Variants in AGAP3 observed in about 807,000 individuals in gnomAD.
AGAP3 encodes ArfGAP with GTPase domain, ankyrin repeat and PH domain 3.
In AGAP3, 24 loss-of-function variants were observed where a neutral mutation model predicts 96.9. That is an observed-to-expected ratio of 0.25 (90% CI 0.18 to 0.35). The LOEUF (loss-of-function observed/expected upper bound fraction) is 0.35, where lower values mean the gene tolerates loss of function less well. AGAP3 is among the 10% of genes least tolerant of loss of function. The probability of loss-of-function intolerance (pLI) is 1.00; values close to 1 mark genes in which losing one functional copy is unlikely to be tolerated. For missense variants in AGAP3, 876 were observed against 1,254.2 expected, an observed-to-expected ratio of 0.70 and a Z score of 4.55; for synonymous variants, 563 against 536.1, an observed-to-expected ratio of 1.05 and a Z score of -0.69.
At position 151,143,143 on chromosome 7, in the gene AGAP3, C is replaced by G. The variant is rs1038871315; in HGVS notation, c.2274-198C>G. Among the ~76,000 whole-genome samples the G allele has an allele frequency of 2.0e-5, 3 of 152,260 alleles. No homozygotes were observed. Among genetic ancestry groups the G allele is most frequent in the Non-Finnish European group, 2.9e-5 (2 of 68,042 alleles). ...CTTCCTTTCAGCTTCTCCCACCCCC[C>G]TTTCCATTACCCACTGCCCCTCTGT... is the stretch of plus-strand genomic sequence containing the variant. On this transcript the variant is annotated intron_variant, in intron 16 of 17. Transcript: ENST00000397238. This position sits in a 1 kb window ranked among gnomAD's most constrained non-coding sequence, Gnocchi z 5.9.
In AGAP3 at chr7:151,139,677, C is replaced by G. The variant is rs939929266; in HGVS notation, c.1667-302C>G. ...CGGAGCTGCTGGGGCTTCAGCTCCC[C>G]GTGAGTTCCCTGGGCTGCCTTCCAC... On this transcript the variant is annotated intron_variant, in intron 12 of 17. Transcript: ENST00000397238. This position sits in a 1 kb window ranked among gnomAD's most constrained non-coding sequence, Gnocchi z 4.9. 3 of 261,874 alleles carry G rather than the reference C, an allele frequency of 1.1e-5. No homozygotes were observed. The highest frequency in any genetic ancestry group is 4.4e-5 in the African/African-American group (2 of 45,354). The allele number at this position is 261,874 out of a possible 1,614,324, so 16.2% of individuals were successfully genotyped here. A position where few individuals can be genotyped will look rare whatever the true frequency, so the allele number is the denominator to read the frequency against.
chr7:151,104,100 G>A (rs935853168), intron 1 of AGAP3, among the ~76,000 whole-genome samples: 3 of 152,128 alleles, frequency 2.0e-5, no homozygotes, highest in Admixed American at 6.6e-5. Context: ...CCACACGCTC[G>A]AAATAAACTG....
chr7:151,088,584 C>G (rs922315468), intron 1 of AGAP3, among the ~76,000 whole-genome samples: 1 of 152,206 alleles, frequency 6.6e-6, no homozygotes, highest in African/African-American at 2.4e-5. Flanking sequence ...TGATTTGCTC[C>G]AAGCTTACCT....
chr7:151,141,787 G>GCT lies in AGAP3; in HGVS notation c.1805-111_1805-110insCT. The GCT allele has an allele frequency of 7.0e-7, 1 of 1,424,644 alleles. No homozygotes were observed. Among genetic ancestry groups the GCT allele is most frequent in the Non-Finnish European group, 9.8e-7 (1 of 1,016,404 alleles). 88.3% of individuals were successfully genotyped at this position (1,424,644 alleles called of 1,614,324 possible). On this transcript the variant is annotated intron_variant, in intron 13 of 17. Transcript: ENST00000397238. The surrounding 1 kb of genome is among the most constrained non-coding windows in gnomAD (Gnocchi z 4.2). ...GGCCTTGCAGCTGGGGAAGGGTCTA[G>GCT]GGGAGGACACTTGCCAGTGGAGCAG...
At chr7:151,087,475 G>C (rs1585025611) in intron 1 of AGAP3, among the ~76,000 whole-genome samples, 1 of 152,150 alleles carries the variant, frequency 6.6e-6, no homozygotes. Context: ...GGAGCCTCGC[G>C]TTAGTGGATG....
intron 8 of AGAP3, chr7:151,120,737 C>T: frequency 8.3e-7 from 1 of 1,208,974 alleles, no homozygotes; most frequent in Non-Finnish European, 1.1e-6. Flanking sequence ...CCTCGTTCCT[C>T]CCTCTCAGGT....
chr7:151,128,213 C>T (rs975057365), intron 9 of AGAP3: 71 of 230,518 alleles, frequency 3.1e-4, no homozygotes, highest in Non-Finnish European at 5.6e-4. Context: ...CACCCCTGAG[C>T]GTCTACTCCT....
At chr7:151,115,333 A>G in intron 1 of AGAP3, 3 of 1,015,052 alleles carry the variant, frequency 3.0e-6, no homozygotes, top group Non-Finnish European at 3.5e-6. Context: ...GCGCTCAGGA[A>G]GAGCTTCAGC....
chr7:151,142,869 G>A lies in AGAP3; in HGVS notation c.2273+235G>A, dbSNP rs887229309. 6.6e-6 allele frequency among the ~76,000 whole-genome samples: 1 copy of A among 152,224 alleles called. No individual in the cohort carries two copies. Among genetic ancestry groups the A allele is most frequent in the South Asian group, 2.1e-4 (1 of 4,830 alleles). On this transcript the variant is annotated intron_variant, in intron 16 of 17. Transcript: ENST00000397238. This position sits in a 1 kb window ranked among gnomAD's most constrained non-coding sequence, Gnocchi z 7.5. ...AGCAGGTCAGGGGCCAGCAGGAGGCGCATGCGCAGGGCCCCTATCACGGTG... is the reference window on the plus strand; with the variant it reads ...AGCAGGTCAGGGGCCAGCAGGAGGCACATGCGCAGGGCCCCTATCACGGTG...
intron 9 of AGAP3, among the ~76,000 whole-genome samples, chr7:151,126,453 A>G (rs1800181505): frequency 8.8e-6 from 1 of 114,088 alleles, no homozygotes. Context: ...AGGCTGGGAG[A>G]GGCTGGGAGA....
chr7:151,102,016 A>G (rs1408121753), intron 1 of AGAP3, among the ~76,000 whole-genome samples: 1 of 152,164 alleles, frequency 6.6e-6, no homozygotes, highest in African/African-American at 2.4e-5. Context: ...GGTAAAATAA[A>G]GCAGAGGTGC....
intron 1 of AGAP3, among the ~76,000 whole-genome samples, chr7:151,089,088 C>T (rs1435974046): frequency 1.3e-5 from 2 of 152,102 alleles, no homozygotes; most frequent in African/African-American, 2.4e-5. Flanking sequence ...CCTGCCCAGC[C>T]TCTCCTGGCA....
intron 8 of AGAP3, among the ~76,000 whole-genome samples, chr7:151,121,348 G>T (rs930505955): frequency 2.6e-5 from 4 of 151,298 alleles, no homozygotes; most frequent in African/African-American, 9.8e-5. Flanking sequence ...GCGTGGGGGG[G>T]GCCGCCTGCT....
chr7:151,114,383 G>A lies in AGAP3; in HGVS notation c.332-2410G>A, dbSNP rs972329681. Among the ~76,000 whole-genome samples, 2 of 152,224 alleles carry A rather than the reference G, an allele frequency of 1.3e-5. No individual in the cohort carries two copies. The highest frequency in any genetic ancestry group is 2.9e-5 in the Non-Finnish European group (2 of 68,036). On this transcript the variant is annotated intron_variant, in intron 1 of 17. Transcript: ENST00000397238. This position sits in a 1 kb window ranked among gnomAD's most constrained non-coding sequence, Gnocchi z 4.4. ...GCTTTTCTCCAAAATGGGGCCCAGT[G>A]TGTGGTGGACTGAGGACTGTTATTT...
chr7:151,121,341 T>TGG (rs145627695), intron 8 of AGAP3, among the ~76,000 whole-genome samples: 9 of 151,534 alleles, frequency 5.9e-5, no homozygotes, highest in African/African-American at 2.2e-4. Context: ...CATTAGAGCG[T>TGG]GGGGGGGGCC....
Position 151,134,470 on chromosome 7 carries a change from G to A in AGAP3, c.1397G>A (p.Arg466His), listed in dbSNP as rs749882569. ...LRTTVKVPGK[R>H]LPRATPATAP... is the part of the protein sequence containing the mutation. ...ACAACGGTGAAAGTGCCAGGGAAGCGCCTGCCCCGAGCCACACCTGCCACA... is the reference window on the plus strand; with the variant it reads ...ACAACGGTGAAAGTGCCAGGGAAGCACCTGCCCCGAGCCACACCTGCCACA... The change falls in exon 11 of 18, where the codon CGC (arginine) becomes CAC (histidine). Residue 466 changes from arginine to histidine, a missense_variant. Physicochemically the swap from Arg to His is conservative, Grantham distance 29. Coordinates refer to ENST00000397238, the MANE Select transcript of AGAP3 (RefSeq NM_031946.7). 7.4e-6 allele frequency: 12 copies of A among 1,612,198 alleles called. No individual in the cohort carries two copies. Among genetic ancestry groups the A allele is most frequent in the Middle Eastern group, 1.7e-4 (1 of 5,882 alleles).
Position 151,114,137 on chromosome 7 carries a change from C to T in AGAP3, c.332-2656C>T, listed in dbSNP as rs967249056. Among the ~76,000 whole-genome samples the T allele has an allele frequency of 2.0e-5, 3 of 152,220 alleles. No individual in the cohort carries two copies. Among genetic ancestry groups the T allele is most frequent in the Non-Finnish European group, 4.4e-5 (3 of 68,032 alleles). On this transcript the variant is annotated intron_variant, in intron 1 of 17. Transcript: ENST00000397238. The surrounding 1 kb of genome is among the most constrained non-coding windows in gnomAD (Gnocchi z 4.4). ...AATCTCCAAAGAAGACAGCCTCAGT[C>T]ATCAACAGAAACCGACTGTAGCAGC...
rs1014465663 is a variant in AGAP3 at position 151,108,093 on chromosome 7, T to C, written c.332-8700T>C. ...GAGCTAAGCCCACAGTTGCTGTTGC[T>C]GGTCAGAGCTGGAGTGGCGTCACGG... On this transcript the variant is annotated intron_variant, in intron 1 of 17. Transcript: ENST00000397238. The surrounding 1 kb of genome is among the most constrained non-coding windows in gnomAD (Gnocchi z 4.2). Among the ~76,000 whole-genome samples, 4 of 152,204 alleles carry C rather than the reference T, an allele frequency of 2.6e-5. No individual in the cohort carries two copies. The highest frequency in any genetic ancestry group is 9.7e-5 in the African/African-American group (4 of 41,446).
At position 151,114,806 on chromosome 7, in the gene AGAP3, C is replaced by A; in HGVS notation, c.332-1987C>A. 1 of 1,055,732 alleles carries A rather than the reference C, an allele frequency of 9.5e-7. No homozygotes were observed. Among genetic ancestry groups the A allele is most frequent in the South Asian group, 3.5e-5 (1 of 28,714 alleles). The allele number at this position is 1,055,732 out of a possible 1,614,324, so 65.4% of individuals were successfully genotyped here. ...GCTGGCCGCAGGGGGACAGCTGTCC[C>A]GGGGAGCGGCCCGCCGCTTGCCGCC... On this transcript the variant is annotated intron_variant, in intron 1 of 17. Transcript: ENST00000397238. The surrounding 1 kb of genome is among the most constrained non-coding windows in gnomAD (Gnocchi z 4.4).
Sources: allele counts gnomAD v4.1 joint callset (sites outside exome capture counted in the v4.1 genomes callset), GRCh38; gene constraint gnomAD v4.1.1; non-coding constraint Gnocchi (gnomAD v3.1); transcripts MANE v1.5; gene names NCBI Gene and HGNC (gene_info 2026-07-23, HGNC 2026-07-21).